The following TAX1BP1 variants were observed in gnomAD, a reference collection of about 807,000 sequenced individuals.
TAX1BP1 encodes Tax1 binding protein 1.
In TAX1BP1, 62 loss-of-function variants were observed where a neutral mutation model predicts 97.7. The observed-to-expected ratio is 0.63, with a 90% CI of 0.52 to 0.78. TAX1BP1 has a LOEUF of 0.78. Among genes scored for constraint, TAX1BP1 ranks in the 30% least tolerant of loss-of-function variants. TAX1BP1 has a pLI of 0.00. For missense variants in TAX1BP1, 867 were observed against 916.1 expected (o/e 0.95, Z 0.69); for synonymous variants, 340 against 304.2 (o/e 1.12, Z -1.23).
chr7:27,759,567 A>G (rs1473864399), intron 3 of TAX1BP1, among the ~76,000 whole-genome samples: 1 of 152,052 alleles, frequency 6.6e-6, no homozygotes. Flanking sequence ...CCTCTTTGCT[A>G]TTGAGAACTT....
upstream of TAX1BP1, chr7:27,740,046 G>T (rs1787503893): frequency 6.6e-6 from 1 of 152,338 alleles, no homozygotes; most frequent in Non-Finnish European, 1.5e-5. Flanking sequence ...CGGCGGAGTG[G>T]GCTGGGGGCG....
chr7:27,750,105 G>A (rs1018630512), intron 2 of TAX1BP1, among the ~76,000 whole-genome samples: 5 of 152,116 alleles, frequency 3.3e-5, no homozygotes, highest in Admixed American at 2.0e-4. Flanking sequence ...TAGTAGTTTC[G>A]ATTTTATGGG....
intron 16 of TAX1BP1, among the ~76,000 whole-genome samples, chr7:27,828,221 T>C (rs1791259202): frequency 6.6e-6 from 1 of 152,152 alleles, no homozygotes; most frequent in Non-Finnish European, 1.5e-5. Flanking sequence ...ATACAAGCAT[T>C]TGAGAACCAG....
At chr7:27,796,847 G>A (rs960475981) in intron 12 of TAX1BP1, among the ~76,000 whole-genome samples, 11 of 151,566 alleles carry the variant, frequency 7.3e-5, no homozygotes, top group African/African-American at 2.7e-4. Context: ...GCAACAGAGC[G>A]AGTCTCTAAA....
intron 2 of TAX1BP1, 61 bp from the exon 3 acceptor site, chr7:27,757,970 G>A: frequency 1.0e-6 from 1 of 982,144 alleles, no homozygotes; most frequent in Non-Finnish European, 1.6e-6. Flanking sequence ...ACAGTATGCT[G>A]TATGAGCCTA....
chr7:27,776,067 G>A (rs949649301), intron 5 of TAX1BP1, among the ~76,000 whole-genome samples: 1 of 151,996 alleles, frequency 6.6e-6, no homozygotes, highest in African/African-American at 2.4e-5. Flanking sequence ...ATTTACCATG[G>A]TACATAATTC....
At chr7:27,800,937 T>C (rs1790110287) in intron 13 of TAX1BP1, among the ~76,000 whole-genome samples, 1 of 152,048 alleles carries the variant, frequency 6.6e-6, no homozygotes, top group African/African-American at 2.4e-5. Flanking sequence ...ACCCTGTCTC[T>C]ACTAAAAATA....
chr7:27,759,001 AT>A (rs899050815), intron 3 of TAX1BP1, among the ~76,000 whole-genome samples: 3 of 151,948 alleles, frequency 2.0e-5, no homozygotes, highest in African/African-American at 7.2e-5. Context: ...TGAAAAAAAA[AT>A]AACACTTATT....
intron 3 of TAX1BP1, among the ~76,000 whole-genome samples, chr7:27,759,956 C>T (rs147627673): frequency 9.1e-4 from 137 of 150,980 alleles, no homozygotes; most frequent in African/African-American, 2.9e-3. Context: ...TGGGTTCAAG[C>T]GATTCTTGTG....
chr7:27,760,994 GCAGA>G lies in TAX1BP1; in HGVS notation c.265+2865_265+2868del, dbSNP rs147314500. ...TAGAAGTTTGGGAACCAGTGGCATG[GCAGA>G]CAGTTTTCAGCAAATAATTGTTAAC... On this transcript the variant is annotated intron_variant, in intron 3 of 16. Coordinates refer to ENST00000396319, the MANE Select transcript of TAX1BP1 (RefSeq NM_006024.7). 4.7e-3 allele frequency among the ~76,000 whole-genome samples: 723 copies of G among 152,232 alleles called. 3 individuals are homozygous for G. The highest frequency in any genetic ancestry group is 0.013 in the African/African-American group (546 of 41,544).
intron 15 of TAX1BP1, among the ~76,000 whole-genome samples, chr7:27,825,456 C>G (rs1267776101): frequency 1.3e-5 from 2 of 152,146 alleles, no homozygotes; most frequent in Admixed American, 6.5e-5. Flanking sequence ...ACTGCATACT[C>G]TCTGATTTCA....
At chr7:27,744,498 A>C (rs1787746433) in intron 1 of TAX1BP1, among the ~76,000 whole-genome samples, 1 of 152,178 alleles carries the variant, frequency 6.6e-6, no homozygotes, top group East Asian at 1.9e-4. Context: ...CACATAACAA[A>C]ATTACCTTAT....
At chr7:27,782,366 A>G (rs1461331850) in intron 5 of TAX1BP1, among the ~76,000 whole-genome samples, 1 of 151,968 alleles carries the variant, frequency 6.6e-6, no homozygotes, top group Non-Finnish European at 1.5e-5. Flanking sequence ...TAGCCTCTCA[A>G]GTAGCTGGGA....
At chr7:27,770,036 CT>C (rs1788787186) in intron 5 of TAX1BP1, among the ~76,000 whole-genome samples, 1 of 152,038 alleles carries the variant, frequency 6.6e-6, no homozygotes, top group Non-Finnish European at 1.5e-5. Flanking sequence ...GGTTAAAATA[CT>C]TTTAGACTTT....
At chr7:27,810,140 C>T (rs1357122364) in intron 13 of TAX1BP1, among the ~76,000 whole-genome samples, 2 of 152,088 alleles carry the variant, frequency 1.3e-5, no homozygotes, top group South Asian at 2.1e-4. Flanking sequence ...ATCTCCTGAC[C>T]TCATGATCCA....
chr7:27,770,500 T>A (rs549586289), intron 5 of TAX1BP1, among the ~76,000 whole-genome samples: 160 of 152,234 alleles, frequency 1.1e-3, no homozygotes, highest in African/African-American at 3.7e-3. Flanking sequence ...GACTGTGATC[T>A]TATATATTAC....
At chr7:27,745,627 T>C (rs1787788523) in intron 1 of TAX1BP1, among the ~76,000 whole-genome samples, 1 of 152,186 alleles carries the variant, frequency 6.6e-6, no homozygotes, top group Non-Finnish European at 1.5e-5. Flanking sequence ...AGGCCATTAA[T>C]AGGATAATCA....
intron 2 of TAX1BP1, among the ~76,000 whole-genome samples, chr7:27,755,527 G>A (rs1041086825): frequency 6.6e-6 from 1 of 152,058 alleles, no homozygotes; most frequent in Non-Finnish European, 1.5e-5. Flanking sequence ...CTGGTCTTCT[G>A]TATGTTCTTT....
In TAX1BP1 at chr7:27,787,834, G is replaced by A. The variant is rs371152803; in HGVS notation, c.1038+231G>A. Among the ~76,000 whole-genome samples the A allele has an allele frequency of 1.2e-4, 19 of 152,080 alleles. No individual in the cohort carries two copies. The East Asian group carries it at 3.5e-3, about 28-fold the overall frequency. ...TTTTTCTGAGCGATGTGAGTTGCAA[G>A]TATTACGATAATTTACTCTAAATAC... On this transcript the variant is annotated intron_variant, in intron 8 of 16. Coordinates refer to ENST00000396319, the MANE Select transcript of TAX1BP1 (RefSeq NM_006024.7).
Sources: gnomAD v4.1 joint callset for allele counts (sites outside exome capture counted in the v4.1 genomes callset) on GRCh38, gnomAD v4.1.1 for gene constraint, MANE v1.5 for transcripts, NCBI Gene and HGNC (gene_info 2026-07-23, HGNC 2026-07-21) for gene names.